Variants in SYDE2 observed in about 807,000 individuals in gnomAD.
SYDE2 encodes the protein rho GTPase-activating protein SYDE2.
Under a neutral mutation model 91.5 loss-of-function variants are expected in SYDE2, and 76 were observed. That is an observed-to-expected ratio of 0.83 (90% CI 0.69 to 1.01). The LOEUF (loss-of-function observed/expected upper bound fraction) is 1.01, where lower values mean the gene tolerates loss of function less well. SYDE2 is among the 50% of genes least tolerant of loss of function. The pLI, the probability that SYDE2 is intolerant of heterozygous loss-of-function variation, is 0.00. For missense variants in SYDE2, 1,364 were observed against 1,367.7 expected (o/e 1.00, Z 0.04); for synonymous variants, 513 against 506.4 (o/e 1.01, Z -0.18).
At chr1:85,181,211 G>A (rs1657907844) in intron 3 of SYDE2, 1 of 129,850 alleles carries the variant, frequency 7.7e-6, no homozygotes, top group African/African-American at 2.8e-5. Context: ...GAATGCAGTG[G>A]CACAATCTGG....
chr1:85,169,285 T>C (rs907934992), intron 4 of SYDE2, 60 bp from the exon 5 acceptor site: 10 of 1,371,422 alleles, frequency 7.3e-6, no homozygotes, highest in Non-Finnish European at 8.8e-6. Flanking sequence ...TAAAGAACTA[T>C]GGTCAATTTT....
rs561613843 is a variant in SYDE2, at chr1:85,200,765, G to A, written c.232C>T (p.Arg78Trp). The A allele has an allele frequency of 4.1e-5, 62 of 1,524,744 alleles. 2 individuals carry two copies. The South Asian group carries it at 6.8e-4, about 17-fold the overall frequency. 94.5% of individuals were successfully genotyped at this position (1,524,744 alleles called of 1,614,324 possible). Residue 78 changes from arginine (R) to tryptophan (W), a missense_variant, in exon 1 of 7, where the codon CGG becomes TGG. Arg to Trp is a moderately radical substitution (Grantham distance 101). Coordinates refer to ENST00000341460, the MANE Select transcript of SYDE2 (RefSeq NM_032184.2). ...CTTCTGCTGCAGGACGGCCGCATCC[G>A]AGGAGTCCGCAGCTGGCCTCCCCGC... ...EPRGGQLRTP[R>W]MRPSCSRSLE...
At position 85,178,277 on chromosome 1, in the gene SYDE2, G is replaced by A; in HGVS notation, c.2545-5C>T. On this transcript the variant is annotated splice_region_variant and splice_polypyrimidine_tract_variant and intron_variant, in intron 3 of 6. Coordinates refer to ENST00000341460, the MANE Select transcript of SYDE2 (RefSeq NM_032184.2). Reference sequence around the variant, plus strand: ...TAATCGATACAGGCCTACTACCTAGGAATAAAATTATGGCCACATTACAGT... The same window carrying A: ...TAATCGATACAGGCCTACTACCTAGAAATAAAATTATGGCCACATTACAGT... 6.4e-7 allele frequency: 1 copy of A among 1,561,728 alleles called. No individual in the cohort carries two copies. Among genetic ancestry groups the A allele is most frequent in the South Asian group, 1.2e-5 (1 of 82,970 alleles).
At position 85,200,964 on chromosome 1, in the gene SYDE2, C is replaced by T. The variant is rs552311883; in HGVS notation, c.33G>A (p.Arg11=). The change falls in exon 1 of 7, where the codon CGG becomes CGA. Residue 11 remains arginine, a synonymous_variant. Coordinates refer to ENST00000341460, the MANE Select transcript of SYDE2 (RefSeq NM_032184.2). The part of the protein sequence containing the change: MHDLPPDSGA[R]RGGRGLADHS... ...GATCCGCCAAGCCCCTGCCGCCCCG[C>T]CGCGCGCCCGAGTCAGGGGGCAGGT... 162 of 1,298,134 alleles carry T rather than the reference C, an allele frequency of 1.2e-4. 1 individual carries two copies. In the African/African-American group the frequency reaches 1.8e-3, roughly 15 times the overall value. The allele number at this position is 1,298,134 out of a possible 1,614,324, so 80.4% of individuals were successfully genotyped here.
rs757020511 is a variant in SYDE2 at position 85,190,158 on chromosome 1, T to C, written c.1340A>G (p.His447Arg). The change falls in exon 2 of 7, where the codon CAT (histidine) becomes CGT (arginine). Residue 447 changes from histidine to arginine, a missense_variant. Coordinates refer to ENST00000341460, the MANE Select transcript of SYDE2 (RefSeq NM_032184.2). The part of the protein sequence containing the change: ...SNGMNPIHPA[H>R]STEFVQQYKQ... ...GTACTGCTGCACAAATTCTGTGGAA[T>C]GGGCAGGATGTATAGGATTCATTCC... The C allele has an allele frequency of 6.2e-7, 1 of 1,614,008 alleles. No individual in the cohort carries two copies. Among genetic ancestry groups the C allele is most frequent in the Non-Finnish European group, 8.5e-7 (1 of 1,179,896 alleles).
downstream of SYDE2, among the ~76,000 whole-genome samples, chr1:85,155,009 C>CAAAA: frequency 1.4e-3 from 114 of 80,626 alleles, 1 homozygote; most frequent in African/African-American, 5.5e-3. Flanking sequence ...AAGAATGCAG[C>CAAAA]AAAAAAAAAA....
chr1:85,197,821 A>AT (rs1445312678), intron 1 of SYDE2, among the ~76,000 whole-genome samples: 8 of 151,832 alleles, frequency 5.3e-5, no homozygotes, highest in African/African-American at 1.9e-4. Flanking sequence ...CGCCCGGCTA[A>AT]TTTTTTGTAT....
intron 4 of SYDE2, among the ~76,000 whole-genome samples, chr1:85,172,977 G>A (rs760436958): frequency 2.0e-5 from 3 of 152,158 alleles, no homozygotes; most frequent in Non-Finnish European, 4.4e-5. Flanking sequence ...AATCACTCTC[G>A]TTCCATGCAG....
chr1:85,160,494 A>G lies in SYDE2; in HGVS notation c.3086-1245T>C. On this transcript the variant is annotated intron_variant, in intron 6 of 6. Transcript: ENST00000341460. The stretch of plus-strand genomic sequence containing the variant: ...TTGATCTAAAATTTTCTAGAAAATA[A>G]AAGCTATTTACTTTAAATTGATCTT... 3 of 971,192 alleles carry G rather than the reference A, an allele frequency of 3.1e-6. No individual in the cohort carries two copies. In the South Asian group the frequency reaches 1.4e-4, roughly 46 times the overall value. The allele number at this position is 971,192 out of a possible 1,614,324, so 60.2% of individuals were successfully genotyped here.
intron 5 of SYDE2, 88 bp from the exon 6 acceptor site, chr1:85,164,845 T>C (rs1657205418): frequency 9.0e-6 from 7 of 775,482 alleles, no homozygotes; most frequent in East Asian, 3.3e-5. Context: ...ATAAGCATCT[T>C]GTCACTTTTA....
downstream of SYDE2, chr1:85,153,239 A>G (rs1284050238): frequency 1.3e-5 from 2 of 152,312 alleles, no homozygotes; most frequent in East Asian, 3.9e-4. Flanking sequence ...CCATGAATAG[A>G]CTGGATCGTG....
At chr1:85,169,975 A>G (rs1439015197) in intron 4 of SYDE2, among the ~76,000 whole-genome samples, 1 of 152,150 alleles carries the variant, frequency 6.6e-6, no homozygotes, top group Non-Finnish European at 1.5e-5. Flanking sequence ...TACAAGCTAA[A>G]GGCTGGCATG....
In SYDE2 at chr1:85,164,633, G is replaced by A. The variant is rs535533323; in HGVS notation, c.2978C>T (p.Pro993Leu). Residue 993 changes from proline to leucine, a missense_variant, in exon 6 of 7, where the codon CCT (proline) becomes CTT (leucine). Coordinates refer to ENST00000341460, the MANE Select transcript of SYDE2 (RefSeq NM_032184.2). ...GPVLLSQRQE[P>L]STHNNRVFTD... ...AAAGACTCTGTTGTTATGGGTGGAAGGCTCTTGCCTCTGACTTAATAATAC... is the reference window on the plus strand; with the variant it reads ...AAAGACTCTGTTGTTATGGGTGGAAAGCTCTTGCCTCTGACTTAATAATAC... The A allele has an allele frequency of 3.1e-5, 49 of 1,602,554 alleles. No individual in the cohort carries two copies. The African/African-American group carries it at 6.1e-4, about 20-fold the overall frequency.
At chr1:85,160,394 C>G (rs1454596411) in intron 6 of SYDE2, 5 of 876,500 alleles carry the variant, frequency 5.7e-6, no homozygotes, top group Middle Eastern at 1.2e-3. Flanking sequence ...GATAACTGTA[C>G]ACAGGTATGT....
chr1:85,184,098 T>C lies in SYDE2; in HGVS notation c.1442-898A>G, dbSNP rs144256217. Among the ~76,000 whole-genome samples the C allele has an allele frequency of 5.3e-5, 8 of 151,392 alleles. No individual in the cohort carries two copies. The East Asian group carries it at 1.4e-3, about 26-fold the overall frequency. On this transcript the variant is annotated intron_variant, in intron 2 of 6. Coordinates refer to ENST00000341460, the MANE Select transcript of SYDE2 (RefSeq NM_032184.2). ...CTACAACTATACTAATCAAATCACA[T>C]ACTATCTTTAAAAAGAAGGTACAAA...
At chr1:85,175,505 G>T (rs1657663683) in intron 4 of SYDE2, among the ~76,000 whole-genome samples, 1 of 152,032 alleles carries the variant, frequency 6.6e-6, no homozygotes, top group South Asian at 2.1e-4. Context: ...AAACAAAAAA[G>T]AATTACGAAT....
At chr1:85,162,042 C>T (rs1356671390) in intron 6 of SYDE2, among the ~76,000 whole-genome samples, 1 of 152,118 alleles carries the variant, frequency 6.6e-6, no homozygotes, top group Non-Finnish European at 1.5e-5. Context: ...AAAGTATTGG[C>T]AGGACGACTT....
In SYDE2 at chr1:85,184,829, G is replaced by A. The variant is rs936130279; in HGVS notation, c.1442-1629C>T. Among the ~76,000 whole-genome samples, 9 of 151,084 alleles carry A rather than the reference G, an allele frequency of 6.0e-5. No homozygotes were observed. The East Asian group carries it at 1.4e-3, about 23-fold the overall frequency. On this transcript the variant is annotated intron_variant, in intron 2 of 6. Coordinates refer to ENST00000341460, the MANE Select transcript of SYDE2 (RefSeq NM_032184.2). The stretch of plus-strand genomic sequence containing the variant: ...TCAGGCTGGGAGGCTACAGTGAGCC[G>A]TGATTGTGCCACTTGCACTCCACCC...
intron 5 of SYDE2, among the ~76,000 whole-genome samples, chr1:85,168,719 T>G (rs1657390853): frequency 1.3e-5 from 2 of 152,178 alleles, no homozygotes; most frequent in South Asian, 4.1e-4. Flanking sequence ...GATTGCAATT[T>G]TATATTCTTC....
Sources: gnomAD v4.1 joint callset for allele counts (sites outside exome capture counted in the v4.1 genomes callset) on GRCh38, gnomAD v4.1.1 for gene constraint, MANE v1.5 for transcripts, NCBI Gene and HGNC (gene_info 2026-07-23, HGNC 2026-07-21) for gene names.